Variants in CSMD2 observed in about 807,000 individuals in gnomAD.
CSMD2 encodes CUB and sushi domain-containing protein 2.
CSMD2 carries 130 observed loss-of-function variants against 398.5 expected under a neutral mutation model. That is an observed-to-expected ratio of 0.33 (90% confidence interval 0.28 to 0.38). The LOEUF is 0.38. Among genes scored for constraint, CSMD2 ranks in the 10% least tolerant of loss-of-function variants. The pLI, the probability that CSMD2 is intolerant of heterozygous loss-of-function variation, is 1.00. For missense variants in CSMD2, 3,829 were observed against 4,764.9 expected, an observed-to-expected ratio of 0.80 and a Z score of 5.78; for synonymous variants, 1,828 against 1,908.5, an observed-to-expected ratio of 0.96 and a Z score of 1.10.
At chr1:34,159,961 T>A (rs1641180128) in intron 1 of CSMD2, among the ~76,000 whole-genome samples, 2 of 152,220 alleles carry the variant, frequency 1.3e-5, no homozygotes, top group South Asian at 4.1e-4. Flanking sequence ...TTGTCCTTTT[T>A]ACAGCAGGGA....
At chr1:33,667,046 TGA>T (rs2149014140) in intron 25 of CSMD2, among the ~76,000 whole-genome samples, 1 of 152,234 alleles carries the variant, frequency 6.6e-6, no homozygotes, top group East Asian at 1.9e-4. Context: ...ACTCCATACT[TGA>T]GTTCAGGTGG....
At chr1:33,829,221 C>T (rs936379926) in intron 6 of CSMD2, among the ~76,000 whole-genome samples, 2 of 152,122 alleles carry the variant, frequency 1.3e-5, no homozygotes, top group African/African-American at 4.8e-5. Flanking sequence ...TCAGGCCCAG[C>T]TGATTGATGG....
intron 5 of CSMD2, among the ~76,000 whole-genome samples, chr1:33,857,680 G>C (rs1165846646): frequency 6.6e-6 from 1 of 152,096 alleles, no homozygotes; most frequent in African/African-American, 2.4e-5. Flanking sequence ...CCCATCAGAG[G>C]CCTCTGATTA....
intron 1 of CSMD2, among the ~76,000 whole-genome samples, chr1:34,146,684 G>C (rs1164238630): frequency 6.6e-6 from 1 of 152,152 alleles, no homozygotes; most frequent in Non-Finnish European, 1.5e-5. Context: ...GAGCAGAGAG[G>C]GGTGGAATTC....
intron 5 of CSMD2, chr1:33,864,855 G>A (rs888004136): frequency 2.1e-6 from 2 of 944,236 alleles, no homozygotes; most frequent in African/African-American, 2.3e-5. Flanking sequence ...GTGGAGGAGG[G>A]AGTGGCTTGG....
At chr1:33,886,096 C>T (rs886943213) in intron 5 of CSMD2, among the ~76,000 whole-genome samples, 1 of 152,144 alleles carries the variant, frequency 6.6e-6, no homozygotes, top group Non-Finnish European at 1.5e-5. Context: ...ATAAATGTCT[C>T]CTGAATAAAA....
chr1:33,894,841 C>T (rs1017593380), intron 5 of CSMD2, among the ~76,000 whole-genome samples: 11 of 152,148 alleles, frequency 7.2e-5, no homozygotes, highest in African/African-American at 1.7e-4. Flanking sequence ...TTGGGGCATC[C>T]GGGTCACTGA....
intron 1 of CSMD2, among the ~76,000 whole-genome samples, chr1:34,150,164 C>T (rs556819396): frequency 6.6e-6 from 1 of 151,370 alleles, no homozygotes; most frequent in East Asian, 1.9e-4. Context: ...TCACTGCAGC[C>T]TTGACCTCCT....
intron 2 of CSMD2, among the ~76,000 whole-genome samples, chr1:34,050,054 C>T (rs924903121): frequency 2.0e-5 from 3 of 152,156 alleles, no homozygotes; most frequent in Admixed American, 2.0e-4. Context: ...ATTCTGGCAC[C>T]CTGATCTTGC....
intron 3 of CSMD2, among the ~76,000 whole-genome samples, chr1:33,968,703 C>T (rs942579364): frequency 2.6e-5 from 4 of 152,200 alleles, no homozygotes; most frequent in African/African-American, 9.7e-5. Context: ...CCCACCATCA[C>T]TTGACAGCAG....
intron 2 of CSMD2, among the ~76,000 whole-genome samples, chr1:34,084,162 C>T (rs920491541): frequency 6.6e-6 from 1 of 152,144 alleles, no homozygotes; most frequent in Non-Finnish European, 1.5e-5. Context: ...GAATGCTGTG[C>T]CGTGGCTGGG....
intron 2 of CSMD2, among the ~76,000 whole-genome samples, chr1:34,080,474 G>A (rs760863030): frequency 8.6e-5 from 13 of 151,734 alleles, no homozygotes; most frequent in Non-Finnish European, 1.8e-4. Context: ...TTATACAGAG[G>A]GAAACAAGTC....
intron 3 of CSMD2, among the ~76,000 whole-genome samples, chr1:33,953,212 G>A (rs1390436565): frequency 6.6e-6 from 1 of 152,140 alleles, no homozygotes; most frequent in Non-Finnish European, 1.5e-5. Context: ...AGACCCAAGG[G>A]GATGTGTGTC....
intron 22 of CSMD2, among the ~76,000 whole-genome samples, chr1:33,701,625 C>G (rs1315387224): frequency 6.6e-6 from 1 of 152,196 alleles, no homozygotes; most frequent in Non-Finnish European, 1.5e-5. Context: ...CTAAAAGAAG[C>G]CATCCTTCAA....
At chr1:33,796,949 T>G (rs1655026695) in intron 10 of CSMD2, among the ~76,000 whole-genome samples, 2 of 152,192 alleles carry the variant, frequency 1.3e-5, no homozygotes, top group Non-Finnish European at 2.9e-5. Context: ...CCTGGTCTCC[T>G]GCAGTACCCT....
intron 7 of CSMD2, among the ~76,000 whole-genome samples, chr1:33,825,400 G>C (rs372867598): frequency 6.6e-6 from 1 of 152,212 alleles, no homozygotes; most frequent in South Asian, 2.1e-4. Flanking sequence ...TGATTCAAAA[G>C]GAAAATAAAG....
chr1:33,752,014 T>A (rs970873993), intron 13 of CSMD2, among the ~76,000 whole-genome samples: 8 of 152,140 alleles, frequency 5.3e-5, no homozygotes, highest in African/African-American at 1.9e-4. Flanking sequence ...AGAAGGGAAG[T>A]GGCTGAAGAG....
chr1:34,118,872 C>A (rs926073573), intron 1 of CSMD2, among the ~76,000 whole-genome samples: 3 of 152,122 alleles, frequency 2.0e-5, no homozygotes, highest in Non-Finnish European at 4.4e-5. Flanking sequence ...TCTTCAGGTT[C>A]GATGCAATCC....
intron 12 of CSMD2, among the ~76,000 whole-genome samples, chr1:33,784,082 G>A (rs1374542102): frequency 6.6e-6 from 1 of 152,108 alleles, no homozygotes; most frequent in Non-Finnish European, 1.5e-5. Flanking sequence ...ATGTGTAACA[G>A]GAAGACTGAA....
Sources: gnomAD v4.1 joint callset for allele counts (sites outside exome capture counted in the v4.1 genomes callset) on GRCh38, gnomAD v4.1.1 for gene constraint, MANE v1.5 for transcripts, NCBI Gene and HGNC (gene_info 2026-07-23, HGNC 2026-07-21) for gene names.